The following SORBS2 variants were observed in gnomAD, a reference collection of about 807,000 sequenced individuals.
SORBS2 encodes the protein sorbin and SH3 domain containing 2.
A neutral mutation model predicts 97.7 loss-of-function variants in SORBS2; 46 were observed. The ratio of observed to expected loss-of-function variants is 0.47; its 90% CI spans 0.37 to 0.60. The LOEUF is 0.60. Among genes scored for constraint, SORBS2 ranks in the 20% least tolerant of loss-of-function variants. The pLI is 0.00. For missense variants in SORBS2, 1,316 were observed against 1,282.3 expected (o/e 1.03, Z -0.40); for synonymous variants, 476 against 473.4 (o/e 1.01, Z -0.07).
intron 2 of SORBS2, among the ~76,000 whole-genome samples, chr4:185,731,864 CTCTATATATA>C (rs1405999059): frequency 0.016 from 471 of 28,932 alleles, 3 homozygotes; most frequent in Middle Eastern, 0.077. Flanking sequence ...CTCTCTCTCT[CTCTATATATA>C]TATATATATA....
intron 2 of SORBS2, among the ~76,000 whole-genome samples, chr4:185,692,924 G>C (rs571246357): frequency 6.6e-6 from 1 of 152,118 alleles, no homozygotes; most frequent in Non-Finnish European, 1.5e-5. Flanking sequence ...AATCACCTCA[G>C]TATATGTTTT....
At chr4:185,755,533 G>A (rs1240490558) in intron 2 of SORBS2, among the ~76,000 whole-genome samples, 1 of 152,210 alleles carries the variant, frequency 6.6e-6, no homozygotes, top group Non-Finnish European at 1.5e-5. Flanking sequence ...TTGAAAGTTG[G>A]TATAAATATC....
intron 2 of SORBS2, among the ~76,000 whole-genome samples, chr4:185,731,858 CTCTCTCTCTA>C (rs1384809946): frequency 5.3e-4 from 19 of 36,082 alleles, no homozygotes; most frequent in Admixed American, 1.8e-3. Flanking sequence ...CTCTCTCTCT[CTCTCTCTCTA>C]TATATATATA....
chr4:185,895,664 G>A (rs1180788364), intron 1 of SORBS2, among the ~76,000 whole-genome samples: 7 of 152,172 alleles, frequency 4.6e-5, no homozygotes, highest in African/African-American at 1.4e-4. Flanking sequence ...TGATTGGCCC[G>A]GACAGGTCAG....
chr4:185,786,592 G>A (rs537678497), intron 1 of SORBS2, among the ~76,000 whole-genome samples: 4 of 152,330 alleles, frequency 2.6e-5, no homozygotes, highest in South Asian at 2.1e-4. Context: ...ATCTCAAGGC[G>A]TGGCTTCTCC....
At chr4:185,604,663 A>AT (rs946329832) in intron 12 of SORBS2, among the ~76,000 whole-genome samples, 3 of 152,152 alleles carry the variant, frequency 2.0e-5, no homozygotes, top group East Asian at 3.8e-4. Flanking sequence ...TTTATGACAA[A>AT]TTTTTTGCTT....
intron 1 of SORBS2, among the ~76,000 whole-genome samples, chr4:185,915,182 T>C (rs2099257433): frequency 6.6e-6 from 1 of 152,204 alleles, no homozygotes; most frequent in South Asian, 2.1e-4. Context: ...TTCAGCAGCA[T>C]TTGTGTGTAA....
At chr4:185,803,789 A>G (rs1327041747) in intron 1 of SORBS2, among the ~76,000 whole-genome samples, 1 of 152,230 alleles carries the variant, frequency 6.6e-6, no homozygotes, top group Admixed American at 6.5e-5. Flanking sequence ...TCATATAAAA[A>G]GTTATGTTTC....
chr4:185,624,853 A>G (rs1458857368), intron 6 of SORBS2, among the ~76,000 whole-genome samples: 1 of 152,236 alleles, frequency 6.6e-6, no homozygotes, highest in Non-Finnish European at 1.5e-5. Flanking sequence ...TGATAGCATG[A>G]TCTGGTAGTG....
intron 1 of SORBS2, among the ~76,000 whole-genome samples, chr4:185,792,330 C>T (rs577330112): frequency 2.0e-4 from 31 of 152,238 alleles, no homozygotes; most frequent in African/African-American, 7.2e-4. Context: ...CCCGTCTCTA[C>T]TAAAAATACA....
intron 1 of SORBS2, among the ~76,000 whole-genome samples, chr4:185,827,283 C>T (rs1340527059): frequency 6.1e-5 from 8 of 131,102 alleles, no homozygotes; most frequent in South Asian, 2.3e-4. Flanking sequence ...TCACCATCAT[C>T]ATCACCATCA....
chr4:185,755,945 T>C (rs1257684553), intron 2 of SORBS2, among the ~76,000 whole-genome samples: 2 of 152,168 alleles, frequency 1.3e-5, no homozygotes, highest in Non-Finnish European at 2.9e-5. Context: ...GAAGTAAATA[T>C]CAGTTAAAAT....
intron 1 of SORBS2, among the ~76,000 whole-genome samples, chr4:185,781,479 T>C (rs73873377): frequency 0.038 from 5,845 of 152,238 alleles, 361 homozygotes; most frequent in African/African-American, 0.13. Context: ...TTCCTCCCAG[T>C]GCCATTGCCT....
chr4:185,596,441 G>GTGA (rs1225871809), intron 12 of SORBS2, among the ~76,000 whole-genome samples: 3 of 151,602 alleles, frequency 2.0e-5, no homozygotes, highest in Non-Finnish European at 4.4e-5. Context: ...TGAAAATTTG[G>GTGA]TGATTGCTGC....
chr4:185,715,918 T>C (rs2098461476), intron 2 of SORBS2, among the ~76,000 whole-genome samples: 1 of 152,214 alleles, frequency 6.6e-6, no homozygotes, highest in Non-Finnish European at 1.5e-5. Flanking sequence ...TTAACAGTCA[T>C]GCCCACTGTG....
chr4:185,907,230 A>G (rs993279116), intron 1 of SORBS2, among the ~76,000 whole-genome samples: 3 of 151,864 alleles, frequency 2.0e-5, no homozygotes, highest in African/African-American at 7.3e-5. Flanking sequence ...AAGTCGAACC[A>G]TGGAATAGAG....
chr4:185,633,653 A>G (rs1302460692), intron 4 of SORBS2, among the ~76,000 whole-genome samples: 1 of 152,148 alleles, frequency 6.6e-6, no homozygotes, highest in African/African-American at 2.4e-5. Flanking sequence ...TCCTCTAAAT[A>G]TATATCTTGG....
intron 4 of SORBS2, among the ~76,000 whole-genome samples, chr4:185,642,052 C>G: frequency 6.6e-6 from 1 of 152,130 alleles, no homozygotes; most frequent in Non-Finnish European, 1.5e-5. Context: ...TTTCAAATTA[C>G]GCTCATTCCA....
At chr4:185,883,666 G>A (rs2099237961) in intron 1 of SORBS2, among the ~76,000 whole-genome samples, 1 of 152,142 alleles carries the variant, frequency 6.6e-6, no homozygotes, top group African/African-American at 2.4e-5. Context: ...TAATGAAATA[G>A]TATTCATCAA....
Sources: allele counts gnomAD v4.1 joint callset (sites outside exome capture counted in the v4.1 genomes callset), GRCh38; gene constraint gnomAD v4.1.1; transcripts MANE v1.5; gene names NCBI Gene and HGNC (gene_info 2026-07-23, HGNC 2026-07-21).